The following CCDC102B variants were observed in gnomAD, a reference collection of about 807,000 sequenced individuals.
CCDC102B encodes the protein coiled-coil domain-containing protein 102B.
A neutral mutation model predicts 57.4 loss-of-function variants in CCDC102B; 75 were observed. The observed-to-expected ratio is 1.31, with a 90% CI of 1.08 to 1.58. CCDC102B has a LOEUF of 1.58. CCDC102B is among the 40% of genes most tolerant of loss of function. The probability of loss-of-function intolerance (pLI) is 0.00; values close to 1 mark genes in which losing one functional copy is unlikely to be tolerated. For synonymous variants in CCDC102B, 206 were observed against 201.9 expected (o/e 1.02, Z -0.17); for missense variants, 636 against 582.6 (o/e 1.09, Z -0.94).
At chr18:68,818,409 T>C (rs189621483) in intron 1 of CCDC102B, among the ~76,000 whole-genome samples, 216 of 152,302 alleles carry the variant, frequency 1.4e-3, no homozygotes, top group African/African-American at 5.0e-3. Context: ...TGGCTTTATG[T>C]AAAGTTAATA....
rs377016855 is a variant in CCDC102B, at chr18:68,956,458, ATTT to A, written c.1264-54474_1264-54472del. 2.9e-3 allele frequency among the ~76,000 whole-genome samples: 35 copies of A among 12,210 alleles called. 4 individuals are homozygous for A. Among genetic ancestry groups the A allele is most frequent in the Middle Eastern group, 0.05 (1 of 20 alleles). 8.0% of individuals were successfully genotyped at this position (12,210 alleles called of 152,430 possible). A position where few individuals can be genotyped will look rare whatever the true frequency, so the allele number is the denominator to read the frequency against. On this transcript the variant is annotated intron_variant, in intron 6 of 7. Transcript: ENST00000360242. ...TTTATATATATTATATATATTATAT[ATTT>A]TATATATATATTATATATATATAAT...
At chr18:68,968,348 T>A (rs939176865) in intron 6 of CCDC102B, among the ~76,000 whole-genome samples, 2 of 152,194 alleles carry the variant, frequency 1.3e-5, no homozygotes, top group Non-Finnish European at 2.9e-5. Context: ...CCCCTTATAG[T>A]TCAACACTAA....
intron 1 of CCDC102B, among the ~76,000 whole-genome samples, chr18:68,824,078 G>A (rs555704084): frequency 1.3e-5 from 2 of 152,014 alleles, no homozygotes; most frequent in South Asian, 2.1e-4. Context: ...TCATTTTTAG[G>A]GTTTTTCTTT....
At chr18:68,969,769 G>A (rs993651914) in intron 6 of CCDC102B, among the ~76,000 whole-genome samples, 45 of 151,628 alleles carry the variant, frequency 3.0e-4, no homozygotes, top group Non-Finnish European at 4.9e-4. Flanking sequence ...GATCATGTTT[G>A]TTGCTACATT....
chr18:69,007,445 A>T (rs2051382151), intron 6 of CCDC102B, among the ~76,000 whole-genome samples: 1 of 152,112 alleles, frequency 6.6e-6, no homozygotes, highest in African/African-American at 2.4e-5. Context: ...ATTATTTCCC[A>T]CTCATGGATA....
At chr18:68,753,170 T>C (rs2033927466) in intron 2 of CCDC102B, 1 of 152,216 alleles carries the variant, frequency 6.6e-6, no homozygotes, top group Non-Finnish European at 1.5e-5. Flanking sequence ...GAATGGGGAA[T>C]GCAAATAATT....
chr18:69,013,445 G>GAT (rs1190901762), intron 7 of CCDC102B, among the ~76,000 whole-genome samples: 1 of 152,104 alleles, frequency 6.6e-6, no homozygotes, highest in Non-Finnish European at 1.5e-5. Context: ...TCTGGTGAAG[G>GAT]ATATACTGAA....
chr18:68,998,250 C>T (rs2051084002), intron 6 of CCDC102B, among the ~76,000 whole-genome samples: 1 of 151,672 alleles, frequency 6.6e-6, no homozygotes, highest in African/African-American at 2.4e-5. Context: ...CTCAATTTAA[C>T]TGTATGCATA....
At chr18:68,788,434 A>G (rs1227189579) in intron 2 of CCDC102B, among the ~76,000 whole-genome samples, 1 of 149,692 alleles carries the variant, frequency 6.7e-6, no homozygotes, top group African/African-American at 2.5e-5. Flanking sequence ...TGGGGTGTTA[A>G]AGTCTCCCAT....
chr18:68,895,649 T>A (rs912760918), intron 5 of CCDC102B, among the ~76,000 whole-genome samples: 2 of 151,814 alleles, frequency 1.3e-5, no homozygotes, highest in Non-Finnish European at 1.5e-5. Context: ...TTGCAAGGAA[T>A]TTTGAGTAGT....
intron 2 of CCDC102B, among the ~76,000 whole-genome samples, chr18:68,760,683 A>G (rs1262763887): frequency 1.3e-5 from 2 of 152,090 alleles, no homozygotes; most frequent in Non-Finnish European, 2.9e-5. Context: ...CCCAAGGACC[A>G]ATGCTAAAGC....
At chr18:68,969,166 C>G (rs963566284) in intron 6 of CCDC102B, among the ~76,000 whole-genome samples, 1 of 152,114 alleles carries the variant, frequency 6.6e-6, no homozygotes, top group Admixed American at 6.5e-5. Context: ...GCCATGCTAA[C>G]GTAATGAACT....
At chr18:68,956,550 A>T (rs1344421103) in intron 6 of CCDC102B, among the ~76,000 whole-genome samples, 1 of 1,580 alleles carries the variant, frequency 6.3e-4, no homozygotes. Context: ...TATATATATA[A>T]ATATTATATA....
At chr18:69,033,286 ATAAT>A (rs1445355109) in intron 7 of CCDC102B, among the ~76,000 whole-genome samples, 1 of 152,154 alleles carries the variant, frequency 6.6e-6, no homozygotes, top group Non-Finnish European at 1.5e-5. Context: ...TTATTAAAAT[ATAAT>A]TAATACACCA....
rs2038504081 is a variant in CCDC102B at position 68,857,308 on chromosome 18, A to ATATTTAT, written c.936+10888_936+10894dup. ...TATTTATATATTATATATATAATAT[A>ATATTTAT]TATTTATATATTATATATATAAAAT... On this transcript the variant is annotated intron_variant, in intron 4 of 7. Transcript: ENST00000360242. Among the ~76,000 whole-genome samples the ATATTTAT allele has an allele frequency of 6.1e-3, 22 of 3,632 alleles. 5 individuals carry two copies. The highest frequency in any genetic ancestry group is 0.049 in the Admixed American group (9 of 184). 2.4% of individuals were successfully genotyped at this position (3,632 alleles called of 152,430 possible).
At chr18:69,051,692 T>G (rs2145499690) in intron 7 of CCDC102B, among the ~76,000 whole-genome samples, 1 of 152,018 alleles carries the variant, frequency 6.6e-6, no homozygotes, top group African/African-American at 2.4e-5. Context: ...AAAAAAAGGG[T>G]TTGCTATCAG....
chr18:68,916,435 G>A (rs549529430), intron 6 of CCDC102B, among the ~76,000 whole-genome samples: 1 of 152,318 alleles, frequency 6.6e-6, no homozygotes, highest in South Asian at 2.1e-4. Flanking sequence ...TGCTAGCTCT[G>A]TATCTCCTTG....
At chr18:68,888,009 C>T (rs1322944373) in intron 5 of CCDC102B, among the ~76,000 whole-genome samples, 1 of 152,138 alleles carries the variant, frequency 6.6e-6, no homozygotes, top group East Asian at 1.9e-4. Flanking sequence ...GTTTATGGCA[C>T]ATGATCACAC....
chr18:68,946,782 A>G (rs2049552440), intron 6 of CCDC102B, among the ~76,000 whole-genome samples: 1 of 152,064 alleles, frequency 6.6e-6, no homozygotes, highest in African/African-American at 2.4e-5. Context: ...TTTCTTCAAA[A>G]TAATTTAACA....
Sources: allele counts gnomAD v4.1 joint callset (sites outside exome capture counted in the v4.1 genomes callset), GRCh38; gene constraint gnomAD v4.1.1; transcripts MANE v1.5; gene names NCBI Gene and HGNC (gene_info 2026-07-23, HGNC 2026-07-21).